Variants in ITPR2 observed in about 807,000 individuals in gnomAD.
ITPR2 encodes inositol 1,4,5-trisphosphate receptor type 2, also known as inositol 1,4,5-trisphosphate-gated calcium channel ITPR2.
A neutral mutation model predicts 317.1 loss-of-function variants in ITPR2; 207 were observed. The observed-to-expected ratio is 0.65, with a 90% CI of 0.58 to 0.73. ITPR2 has a LOEUF of 0.73. Ranked by LOEUF, ITPR2 falls within the 30% of genes least tolerant of loss-of-function variation. The pLI is 0.00. For synonymous variants in ITPR2, 1,156 were observed against 1,149.1 expected (o/e 1.01, Z -0.12); for missense variants, 2,613 against 3,284.0 (o/e 0.80, Z 4.99).
chr12:26,461,637 T>TATAC (rs1942025874), intron 45 of ITPR2, among the ~76,000 whole-genome samples: 1 of 17,748 alleles, frequency 5.6e-5, no homozygotes, highest in African/African-American at 8.3e-5. Context: ...AATATATATA[T>TATAC]ATATATATAT....
intron 37 of ITPR2, among the ~76,000 whole-genome samples, chr12:26,512,184 TAA>T (rs55699727): frequency 0.011 from 1,534 of 136,226 alleles, 33 homozygotes; most frequent in African/African-American, 0.038. Flanking sequence ...GCTACAAAGA[TAA>T]AAAAAAAAAA....
chr12:26,767,024 G>GT (rs1026478488), intron 2 of ITPR2, among the ~76,000 whole-genome samples: 2 of 152,090 alleles, frequency 1.3e-5, no homozygotes, highest in African/African-American at 4.8e-5. Context: ...ATAAGCCTAG[G>GT]TTTTTTTCCT....
chr12:26,724,916 A>C (rs543531753), intron 3 of ITPR2, among the ~76,000 whole-genome samples, 174 bp from the exon 4 acceptor site: 1 of 152,296 alleles, frequency 6.6e-6, no homozygotes, highest in Non-Finnish European at 1.5e-5. Flanking sequence ...TTTCCATCAT[A>C]TCATATTGTC....
intron 56 of ITPR2, among the ~76,000 whole-genome samples, chr12:26,339,880 T>C (rs1056915827): frequency 2.0e-5 from 3 of 152,214 alleles, no homozygotes; most frequent in Admixed American, 2.0e-4. Flanking sequence ...ATTACTATCA[T>C]GGCAGAAAAT....
intron 50 of ITPR2, 98 bp from the exon 51 acceptor site, chr12:26,415,596 A>G (rs1231879445): frequency 2.4e-6 from 2 of 821,274 alleles, no homozygotes; most frequent in Non-Finnish European, 3.6e-6. Flanking sequence ...AAGCCATTCT[A>G]GTTTATATAT....
chr12:26,554,810 G>A (rs1387704244), intron 36 of ITPR2, among the ~76,000 whole-genome samples: 1 of 151,372 alleles, frequency 6.6e-6, no homozygotes, highest in African/African-American at 2.4e-5. Flanking sequence ...GTTTAGATCT[G>A]TAATGGGTAC....
chr12:26,596,883 C>T lies in ITPR2; in HGVS notation c.4254G>A (p.Glu1418=). The part of the protein sequence containing the change: ...RVVTHDDCIP[E]VKIAYVNFVN... ...GCTGCTAAGCTTTTGCCAGGCTTAC[C>T]TCAGGGATGCAGTCGTCATGGGTCA... The change falls in exon 31 of 57, where the codon GAG becomes GAA. Residue 1418 remains glutamate, a splice_region_variant and synonymous_variant. Transcript: ENST00000381340. 1 of 1,525,806 alleles carries T rather than the reference C, an allele frequency of 6.6e-7. No homozygotes were observed. The highest frequency in any genetic ancestry group is 8.8e-7 in the Non-Finnish European group (1 of 1,137,348). The allele number at this position is 1,525,806 out of a possible 1,614,324, so 94.5% of individuals were successfully genotyped here.
intron 2 of ITPR2, among the ~76,000 whole-genome samples, chr12:26,728,120 G>C (rs969836123): frequency 3.3e-5 from 5 of 152,178 alleles, no homozygotes; most frequent in African/African-American, 9.7e-5. Context: ...AACTCTTACA[G>C]ACTTTTAAGC....
chr12:26,387,427 C>T lies in ITPR2; in HGVS notation c.7857+7G>A. On this transcript the variant is annotated splice_region_variant and intron_variant, in intron 55 of 56. Transcript: ENST00000381340. Reference sequence around the variant, plus strand: ...TAGTCACAAATTAAAACCTTCTGGTCACTCACCACAATCATTTGAGCCACA... The same window carrying T: ...TAGTCACAAATTAAAACCTTCTGGTTACTCACCACAATCATTTGAGCCACA... 1 of 1,612,566 alleles carries T rather than the reference C, an allele frequency of 6.2e-7. No individual in the cohort carries two copies. Among genetic ancestry groups the T allele is most frequent in the Non-Finnish European group, 8.5e-7 (1 of 1,179,176 alleles).
chr12:26,446,524 T>A (rs909749810), intron 45 of ITPR2, among the ~76,000 whole-genome samples: 15 of 152,110 alleles, frequency 9.9e-5, no homozygotes, highest in African/African-American at 3.6e-4. Flanking sequence ...GGTCAAAAAT[T>A]GCTACAGTTA....
intron 1 of ITPR2, among the ~76,000 whole-genome samples, chr12:26,827,922 G>A (rs146268000): frequency 2.4e-4 from 36 of 152,274 alleles, no homozygotes; most frequent in Non-Finnish European, 3.8e-4. Flanking sequence ...CAATTCGTAC[G>A]CCTTTGAAGA....
intron 32 of ITPR2, among the ~76,000 whole-genome samples, chr12:26,587,497 G>C (rs1468164607): frequency 2.0e-5 from 3 of 152,144 alleles, no homozygotes; most frequent in Non-Finnish European, 4.4e-5. Flanking sequence ...AAAATGTACA[G>C]TTGCTGAGAT....
At position 26,486,323 on chromosome 12, in the gene ITPR2, T is replaced by A; in HGVS notation, c.5592A>T (p.Lys1864Asn). The stretch of plus-strand genomic sequence containing the variant: ...CTGAAGAAGCTTCTGTTAATTGCCC[T>A]TTCATTCCCTCTTTTAAATGTAGTG... Reference protein sequence around the residue: ...DSTLHLKEGMKGQLTEASSAT... With the variant: ...DSTLHLKEGMNGQLTEASSAT... Residue 1864 changes from lysine (K) to asparagine (N), a missense_variant, in exon 41 of 57, where the codon AAA becomes AAT. Physicochemically the swap from Lys to Asn is moderately conservative, Grantham distance 94. This residue lies in a region of ITPR2 where 926 missense variants were observed against 1,072.8 expected (regional missense o/e 0.86). Transcript: ENST00000381340. 6.2e-7 allele frequency: 1 copy of A among 1,613,108 alleles called. No individual in the cohort carries two copies. Among genetic ancestry groups the A allele is most frequent in the Non-Finnish European group, 8.5e-7 (1 of 1,179,108 alleles).
At chr12:26,463,827 T>C (rs905207475) in intron 45 of ITPR2, among the ~76,000 whole-genome samples, 3 of 152,164 alleles carry the variant, frequency 2.0e-5, no homozygotes, top group Non-Finnish European at 4.4e-5. Flanking sequence ...ATAGGTTGTG[T>C]CCCTCCCTAA....
chr12:26,454,016 GT>G (rs770103561), intron 45 of ITPR2, among the ~76,000 whole-genome samples: 1 of 152,064 alleles, frequency 6.6e-6, no homozygotes, highest in Non-Finnish European at 1.5e-5. Flanking sequence ...AGATGGATGG[GT>G]GAATGGATGG....
At chr12:26,530,193 C>T (rs1398748675) in intron 37 of ITPR2, among the ~76,000 whole-genome samples, 5 of 152,128 alleles carry the variant, frequency 3.3e-5, no homozygotes, top group Admixed American at 3.3e-4. Context: ...CCTAGGATCC[C>T]ACAGCCAATA....
chr12:26,640,746 T>C (rs1437945557), intron 21 of ITPR2, among the ~76,000 whole-genome samples: 1 of 71,544 alleles, frequency 1.4e-5, no homozygotes, highest in African/African-American at 6.2e-5. Flanking sequence ...ATTTGAAATA[T>C]TAGGGTCTCT....
At chr12:26,550,698 A>G (rs1261422402) in intron 36 of ITPR2, among the ~76,000 whole-genome samples, 1 of 145,734 alleles carries the variant, frequency 6.9e-6, no homozygotes, top group African/African-American at 2.4e-5. Context: ...TATTTATATT[A>G]TATTACATTT....
intron 37 of ITPR2, among the ~76,000 whole-genome samples, chr12:26,543,035 C>A (rs548090556): frequency 9.9e-5 from 15 of 152,124 alleles, no homozygotes; most frequent in African/African-American, 3.4e-4. Context: ...TATGTTTTTC[C>A]CTTTTTATGA....
Sources: allele counts gnomAD v4.1 joint callset (sites outside exome capture counted in the v4.1 genomes callset), GRCh38; gene constraint gnomAD v4.1.1; regional missense constraint gnomAD v4.1.1; transcripts MANE v1.5; gene names NCBI Gene and HGNC (gene_info 2026-07-23, HGNC 2026-07-21).